PXK: variants seen among roughly 807,000 people sequenced by gnomAD.
PXK encodes PX domain-containing protein kinase-like protein.
Under a neutral mutation model 84.7 loss-of-function variants are expected in PXK, and 35 were observed. The observed-to-expected ratio is 0.41, with a 90% CI of 0.32 to 0.55. The LOEUF (loss-of-function observed/expected upper bound fraction) is 0.55, where lower values mean the gene tolerates loss of function less well. PXK is among the 20% of genes least tolerant of loss of function. PXK has a pLI of 0.21. For synonymous variants in PXK, 253 were observed against 260.8 expected, an observed-to-expected ratio of 0.97 and a Z score of 0.29; for missense variants, 634 against 699.7, an observed-to-expected ratio of 0.91 and a Z score of 1.06.
Position 58,425,827 on chromosome 3 carries a change from T to A in PXK, c.*867T>A, listed in dbSNP as rs939166847. 1.3e-5 allele frequency: 2 copies of A among 152,236 alleles called. No homozygotes were observed. Among genetic ancestry groups the A allele is most frequent in the African/African-American group, 4.8e-5 (2 of 41,472 alleles). The allele number at this position is 152,236 out of a possible 1,614,324, so 9.4% of individuals were successfully genotyped here. On this transcript the variant is annotated 3_prime_UTR_variant, in exon 18 of 18. Transcript: ENST00000356151. ...CAATATAGCATCTCTTTAATGTTAG[T>A]CATTTATTAGAAAGATCCTTTATCC...
intron 4 of PXK, among the ~76,000 whole-genome samples, chr3:58,386,614 A>T (rs1032151050): frequency 1.3e-5 from 2 of 151,986 alleles, no homozygotes; most frequent in Non-Finnish European, 2.9e-5. Context: ...CATCTTTTTA[A>T]CAAGGTACTT....
intron 17 of PXK, chr3:58,423,161 A>T (rs769877240): frequency 1.8e-4 from 173 of 985,060 alleles, no homozygotes; most frequent in Non-Finnish European, 1.9e-4. Context: ...TGCTCTCCAG[A>T]AGTCCTCTTC....
At chr3:58,340,119 ATT>A (rs547721745) in intron 1 of PXK, among the ~76,000 whole-genome samples, 56 of 125,738 alleles carry the variant, frequency 4.5e-4, no homozygotes, top group Admixed American at 4.1e-4. Context: ...CGCCTGGCCG[ATT>A]TTTTTTTTTT....
At chr3:58,349,263 G>A (rs1455075872) in intron 1 of PXK, among the ~76,000 whole-genome samples, 1 of 151,922 alleles carries the variant, frequency 6.6e-6, no homozygotes, top group Admixed American at 6.6e-5. Context: ...AATCCCAAAT[G>A]TGTTGTTATG....
At position 58,397,371 on chromosome 3, in the gene PXK, G is replaced by A. The variant is rs1012884997; in HGVS notation, c.984+171G>A. Reference sequence around the variant, plus strand: ...CTCTGGGAGGCTGAGTTGAAATGGCGGGTGGGGTAAGGAGGGAGGTGGACT... The same window carrying A: ...CTCTGGGAGGCTGAGTTGAAATGGCAGGTGGGGTAAGGAGGGAGGTGGACT... On this transcript the variant is annotated intron_variant, in intron 10 of 17. Transcript: ENST00000356151. This position sits in a 1 kb window ranked among gnomAD's most constrained non-coding sequence, Gnocchi z 4.7. Among the ~76,000 whole-genome samples, 2 of 152,156 alleles carry A rather than the reference G, an allele frequency of 1.3e-5. No homozygotes were observed. The highest frequency in any genetic ancestry group is 2.9e-5 in the Non-Finnish European group (2 of 68,042).
At chr3:58,384,766 A>G (rs2098537340) in intron 4 of PXK, among the ~76,000 whole-genome samples, 1 of 152,144 alleles carries the variant, frequency 6.6e-6, no homozygotes, top group African/African-American at 2.4e-5. Context: ...TAATGATGCC[A>G]TTTATTCAAC....
In PXK at chr3:58,383,432, T is replaced by A. The variant is rs1317211739; in HGVS notation, c.388+732T>A. 6.6e-6 allele frequency among the ~76,000 whole-genome samples: 1 copy of A among 152,240 alleles called. No individual in the cohort carries two copies. Among genetic ancestry groups the A allele is most frequent in the Non-Finnish European group, 1.5e-5 (1 of 68,048 alleles). ...TGGCTCTGTTTTTGTATTTACAATA[T>A]GTTGTGTGTTCTGTTTTTTCTGGGA... On this transcript the variant is annotated intron_variant, in intron 4 of 17. Coordinates refer to ENST00000356151, the MANE Select transcript of PXK (RefSeq NM_017771.5). The surrounding 1 kb of genome is among the most constrained non-coding windows in gnomAD (Gnocchi z 4.0).
intron 1 of PXK, among the ~76,000 whole-genome samples, chr3:58,351,948 C>A (rs2108058286): frequency 6.6e-6 from 1 of 152,284 alleles, no homozygotes; most frequent in African/African-American, 2.4e-5. Context: ...ACAAAGCTGG[C>A]CATTGTGCTG....
At position 58,425,872 on chromosome 3, in the gene PXK, AATAAATTGCACTTTAAAGGATT is replaced by A. The variant is rs1428224397; in HGVS notation, c.*919_*940del. ...TTATCCTGATTTGCTTAAACCTTTC[AATAAATTGCACTTTAAAGGATT>A]ATAAATAATCCATTTAAAAATTCAA... On this transcript the variant is annotated 3_prime_UTR_variant, in exon 18 of 18. Coordinates refer to ENST00000356151, the MANE Select transcript of PXK (RefSeq NM_017771.5). The A allele has an allele frequency of 2.6e-5, 4 of 152,242 alleles. No homozygotes were observed. Among genetic ancestry groups the A allele is most frequent in the Non-Finnish European group, 4.4e-5 (3 of 68,046 alleles). The allele number at this position is 152,242 out of a possible 1,614,324, so 9.4% of individuals were successfully genotyped here.
intron 1 of PXK, among the ~76,000 whole-genome samples, chr3:58,363,952 G>A (rs889291492): frequency 1.3e-5 from 2 of 152,158 alleles, no homozygotes; most frequent in Non-Finnish European, 2.9e-5. Flanking sequence ...ATGAAAGGAT[G>A]TTGAGTTTTG....
intron 17 of PXK, 96 bp from the exon 18 acceptor site, chr3:58,424,656 G>T: frequency 6.8e-7 from 1 of 1,480,338 alleles, no homozygotes; most frequent in Non-Finnish European, 9.0e-7. Context: ...AAAACATGTG[G>T]ACTCTCACCA....
chr3:58,359,480 G>A (rs35225811), intron 1 of PXK, among the ~76,000 whole-genome samples: 11,140 of 149,724 alleles, frequency 0.074, 531 homozygotes, highest in South Asian at 0.1. Context: ...GCAGTGAGCC[G>A]AGATCGCGCC....
chr3:58,408,403 A>G (rs2059695400), intron 13 of PXK, among the ~76,000 whole-genome samples: 1 of 152,120 alleles, frequency 6.6e-6, no homozygotes, highest in Admixed American at 6.5e-5. Flanking sequence ...ATGTTTATTT[A>G]TGTTTTAGTT....
At position 58,333,096 on chromosome 3, in the gene PXK, C is replaced by T. The variant is rs964781336; in HGVS notation, c.102+6C>T. The stretch of plus-strand genomic sequence containing the variant: ...AGAGCCTGCAGTCCCACACGGTGCG[C>T]GGCCCAGCGGGCGGGCGGGCGGCGT... On this transcript the variant is annotated splice_donor_region_variant and intron_variant, in intron 1 of 17. Transcript: ENST00000356151. This position sits in a 1 kb window ranked among gnomAD's most constrained non-coding sequence, Gnocchi z 5.4. 39 of 1,175,642 alleles carry T rather than the reference C, an allele frequency of 3.3e-5. No homozygotes were observed. The highest frequency in any genetic ancestry group is 3.2e-4 in the Middle Eastern group (1 of 3,116). The allele number at this position is 1,175,642 out of a possible 1,614,324, so 72.8% of individuals were successfully genotyped here.
intron 7 of PXK, 113 bp from the exon 8 acceptor site, chr3:58,394,885 C>G (rs1315368515): frequency 7.1e-6 from 5 of 705,216 alleles, no homozygotes; most frequent in Middle Eastern, 2.6e-4. Context: ...TCACTACATT[C>G]GTATGCAATT....
chr3:58,367,190 C>T (rs1045862191), intron 2 of PXK, among the ~76,000 whole-genome samples: 3 of 152,076 alleles, frequency 2.0e-5, no homozygotes, highest in South Asian at 2.1e-4. Flanking sequence ...GTGGCCAACA[C>T]TCCTATAACA....
In PXK at chr3:58,394,987, TG is replaced by T. The variant is rs779099444; in HGVS notation, c.616-10del. On this transcript the variant is annotated splice_polypyrimidine_tract_variant and intron_variant, in intron 7 of 17. Transcript: ENST00000356151. ...CGCAAATCAATGTGAATTTCTTTTT[TG>T]TTTTGACAGCACCCTTACATCTATC... The T allele has an allele frequency of 2.5e-6, 4 of 1,592,684 alleles. No individual in the cohort carries two copies. The highest frequency in any genetic ancestry group is 3.4e-6 in the Non-Finnish European group (4 of 1,161,406).
chr3:58,367,776 G>A (rs891280711), intron 2 of PXK, among the ~76,000 whole-genome samples: 8 of 152,216 alleles, frequency 5.3e-5, no homozygotes, highest in Non-Finnish European at 1.0e-4. Context: ...TCGACCTCCT[G>A]GGCTCAAGTG....
rs543357534 is a variant in PXK, at chr3:58,391,858, G to A, written c.615+11G>A. 51 of 1,596,040 alleles carry A rather than the reference G, an allele frequency of 3.2e-5. 1 individual carries two copies. Among genetic ancestry groups the A allele is most frequent in the South Asian group, 2.0e-4 (18 of 90,616 alleles). On this transcript the variant is annotated intron_variant, in intron 7 of 17. Coordinates refer to ENST00000356151, the MANE Select transcript of PXK (RefSeq NM_017771.5). ...CTGCCTTCTTGTTTGGTGAGTATACGTCTTTCTTTTATTCTCAGTGCTGAT... is the reference window on the plus strand; with the variant it reads ...CTGCCTTCTTGTTTGGTGAGTATACATCTTTCTTTTATTCTCAGTGCTGAT...
Sources: gnomAD v4.1 joint callset for allele counts (sites outside exome capture counted in the v4.1 genomes callset) on GRCh38, gnomAD v4.1.1 for gene constraint, Gnocchi (gnomAD v3.1) non-coding constraint, MANE v1.5 for transcripts, NCBI Gene and HGNC (gene_info 2026-07-23, HGNC 2026-07-21) for gene names.